The following UBXN10 variants were observed in gnomAD, a reference collection of about 807,000 sequenced individuals.
The protein encoded by UBXN10 is UBX domain-containing protein 10.
Under a neutral mutation model 6.9 loss-of-function variants are expected in UBXN10, and 6 were observed. The ratio of observed to expected loss-of-function variants is 0.87; its 90% CI spans 0.48 to 1.72. The LOEUF (loss-of-function observed/expected upper bound fraction) is 1.72, where lower values mean the gene tolerates loss of function less well. UBXN10 is among the 40% of genes most tolerant of loss of function. The pLI is 0.01. For missense variants in UBXN10, 317 were observed against 348.4 expected (o/e 0.91, Z 0.72); for synonymous variants, 131 against 135.2 (o/e 0.97, Z 0.21).
chr1:20,189,975 A>G (rs890536610), intron 1 of UBXN10, among the ~76,000 whole-genome samples: 7 of 152,250 alleles, frequency 4.6e-5, no homozygotes, highest in African/African-American at 1.7e-4. Flanking sequence ...GCTGTAGGAC[A>G]GGGACCAACA....
chr1:20,188,028 G>T (rs750341232), intron 1 of UBXN10, among the ~76,000 whole-genome samples: 5 of 152,176 alleles, frequency 3.3e-5, no homozygotes, highest in Admixed American at 6.5e-5. Flanking sequence ...GCCGAGAGGG[G>T]CGTGGGTTTG....
At chr1:20,185,275 ACTT>A (rs1313615095), upstream of UBXN10, among the ~76,000 whole-genome samples, 1 of 152,116 alleles carries the variant, frequency 6.6e-6, no homozygotes, top group African/African-American at 2.4e-5. Flanking sequence ...GCTGGCCAAG[ACTT>A]CTTCAATACC....
rs777690432 is a variant in UBXN10, at chr1:20,190,848, T to A, written c.287T>A (p.Ile96Asn). 4.3e-5 allele frequency: 70 copies of A among 1,613,806 alleles called. No individual in the cohort carries two copies. Among genetic ancestry groups the A allele is most frequent in the South Asian group, 5.5e-5 (5 of 91,084 alleles). Residue 96 changes from isoleucine (I) to asparagine (N), a missense_variant, in exon 2 of 2, where the codon ATC (isoleucine) becomes AAC (asparagine). By Grantham distance (149) the Ile-to-Asn change is moderately radical (BLOSUM62 -3). Transcript: ENST00000375099. ...CCAAACCAGGGAGCTTCTGATGAGATCCCTGAGCTGCAGCAGCAAGTACCC... is the reference window on the plus strand; with the variant it reads ...CCAAACCAGGGAGCTTCTGATGAGAACCCTGAGCTGCAGCAGCAAGTACCC... ...KSPNQGASDE[I>N]PELQQQVPTG...
chr1:20,184,226 C>CACACACAG (rs1189935708), upstream of UBXN10: 9 of 152,154 alleles, frequency 5.9e-5, no homozygotes, highest in Non-Finnish European at 1.2e-4. Context: ...CACACACACA[C>CACACACAG]ACGGTGAGAA....
At position 20,187,446 on chromosome 1, in the gene UBXN10, C is replaced by T. The variant is rs576979254; in HGVS notation, c.-16+1293C>T. Among the ~76,000 whole-genome samples the T allele has an allele frequency of 1.4e-4, 22 of 152,236 alleles. No homozygotes were observed. The East Asian group carries it at 2.3e-3, about 16-fold the overall frequency. ...GAGGGTGGTGGGCAGAGTTCAGGACCTGAGGTGTGAATATAAAGGCACAGT... is the reference window on the plus strand; with the variant it reads ...GAGGGTGGTGGGCAGAGTTCAGGACTTGAGGTGTGAATATAAAGGCACAGT... On this transcript the variant is annotated intron_variant, in intron 1 of 1. Coordinates refer to ENST00000375099, the MANE Select transcript of UBXN10 (RefSeq NM_152376.5). The surrounding 1 kb of genome is among the most constrained non-coding windows in gnomAD (Gnocchi z 4.6).
At chr1:20,185,108 C>G (rs959161582), upstream of UBXN10, among the ~76,000 whole-genome samples, 3 of 152,056 alleles carry the variant, frequency 2.0e-5, no homozygotes, top group Non-Finnish European at 4.4e-5. Context: ...TGCACTCCAG[C>G]CTGGGTGAAG....
At chr1:20,186,825 A>G (rs921473983) in intron 1 of UBXN10, among the ~76,000 whole-genome samples, 16 of 129,880 alleles carry the variant, frequency 1.2e-4, no homozygotes, top group African/African-American at 4.7e-4. Flanking sequence ...GAGTTTTTTC[A>G]TTCTCAGGCC....
rs758596691 is a variant in UBXN10 at position 20,190,976 on chromosome 1, T to C, written c.415T>C (p.Ser139Pro). The C allele has an allele frequency of 1.3e-5, 21 of 1,614,000 alleles. No individual in the cohort carries two copies. The highest frequency in any genetic ancestry group is 4.2e-6 in the Non-Finnish European group (5 of 1,180,044). ...GGAAACCGTTGCCAAAAAGGCCAGC[T>C]CACTGCAACTGAGCAGTATCCGGGC... The part of the protein sequence containing the change: ...AVETVAKKAS[S>P]LQLSSIRALY... The change falls in exon 2 of 2, where the codon TCA (serine) becomes CCA (proline). Residue 139 changes from serine (S) to proline (P), a missense_variant. Coordinates refer to ENST00000375099, the MANE Select transcript of UBXN10 (RefSeq NM_152376.5).
intron 1 of UBXN10, 149 bp from the exon 2 acceptor site, chr1:20,190,398 C>G: frequency 1.0e-6 from 1 of 993,114 alleles, no homozygotes; most frequent in Non-Finnish European, 1.5e-6. Context: ...TAAATGAATG[C>G]ATGCCTGAAT....
rs962807625 is a variant in UBXN10 at position 20,190,610 on chromosome 1, G to A, written c.49G>A (p.Val17Ile). Residue 17 changes from valine (V) to isoleucine (I), a missense_variant, in exon 2 of 2, where the codon GTT becomes ATT. By Grantham distance (29) the Val-to-Ile change is conservative. Coordinates refer to ENST00000375099, the MANE Select transcript of UBXN10 (RefSeq NM_152376.5). Reference protein sequence around the residue: ...VNIAPPECSTVVSTAVDSLIW... With the variant: ...VNIAPPECSTIVSTAVDSLIW... ...TATAGCACCACCTGAGTGTAGCACT[G>A]TTGTCAGCACAGCAGTTGACAGCCT... is the stretch of plus-strand genomic sequence containing the variant. 7 of 1,614,046 alleles carry A rather than the reference G, an allele frequency of 4.3e-6. No homozygotes were observed. Among genetic ancestry groups the A allele is most frequent in the Non-Finnish European group, 5.9e-6 (7 of 1,179,974 alleles).
Position 20,187,783 on chromosome 1 carries a change from G to A in UBXN10, c.-16+1630G>A, listed in dbSNP as rs1007221138. Reference sequence around the variant, plus strand: ...CATGGATAATTATATGGAACCAAAAGGTATAGAAAGTGCATGCACATACTC... The same window carrying A: ...CATGGATAATTATATGGAACCAAAAAGTATAGAAAGTGCATGCACATACTC... On this transcript the variant is annotated intron_variant, in intron 1 of 1. Transcript: ENST00000375099. The surrounding 1 kb of genome is among the most constrained non-coding windows in gnomAD (Gnocchi z 4.6). Among the ~76,000 whole-genome samples, 3 of 152,086 alleles carry A rather than the reference G, an allele frequency of 2.0e-5. No homozygotes were observed. The highest frequency in any genetic ancestry group is 7.2e-5 in the African/African-American group (3 of 41,390).
chr1:20,191,290 A>G lies in UBXN10; in HGVS notation c.729A>G (p.Thr243=). 6.2e-7 allele frequency: 1 copy of G among 1,614,202 alleles called. No homozygotes were observed. The highest frequency in any genetic ancestry group is 8.5e-7 in the Non-Finnish European group (1 of 1,180,034). Residue 243 remains threonine, a synonymous_variant, in exon 2 of 2, where the codon ACA becomes ACG. Coordinates refer to ENST00000375099, the MANE Select transcript of UBXN10 (RefSeq NM_152376.5). This position sits in a 1 kb window ranked among gnomAD's most constrained non-coding sequence, Gnocchi z 4.5. ...KTSYRHCSIE[T]MEVPRRRFSD... Reference sequence around the variant, plus strand: ...CCTACCGACACTGCAGCATTGAAACAATGGAGGTGCCCAGGAGGCGATTTT... The same window carrying G: ...CCTACCGACACTGCAGCATTGAAACGATGGAGGTGCCCAGGAGGCGATTTT...
At chr1:20,186,260 C>G (rs1389237256) in intron 1 of UBXN10, 107 bp downstream of exon 1, 1 of 152,256 alleles carries the variant, frequency 6.6e-6, no homozygotes, top group Non-Finnish European at 1.5e-5. Flanking sequence ...CCGGGAGGGC[C>G]TCCCCAGACC....
chr1:20,183,585 C>T (rs1334285119), upstream of UBXN10, among the ~76,000 whole-genome samples: 3 of 152,216 alleles, frequency 2.0e-5, no homozygotes, highest in African/African-American at 7.2e-5. Context: ...AGGGAGGGTG[C>T]ACAGCACCAT....
In UBXN10 at chr1:20,190,751, C is replaced by T. The variant is rs1446459371; in HGVS notation, c.190C>T (p.Pro64Ser). The T allele has an allele frequency of 1.2e-6, 2 of 1,613,934 alleles. No homozygotes were observed. The highest frequency in any genetic ancestry group is 1.7e-6 in the Non-Finnish European group (2 of 1,180,050). ...CGTGGAGGTGTGCGCTCATCATATA[C>T]CATCTCCGCCTCCAGCCATTCCCTA... ...QGVEVCAHHI[P>S]SPPPAIPYEL... The change falls in exon 2 of 2, where the codon CCA becomes TCA. Residue 64 changes from proline (P) to serine (S), a missense_variant. Coordinates refer to ENST00000375099, the MANE Select transcript of UBXN10 (RefSeq NM_152376.5).
At chr1:20,185,024 C>T (rs571025522), upstream of UBXN10, among the ~76,000 whole-genome samples, 38 of 152,278 alleles carry the variant, frequency 2.5e-4, no homozygotes, top group South Asian at 7.7e-3. Context: ...CATGGTGGTG[C>T]ACGCCTGTAG....
At chr1:20,183,474 C>T (rs1333912710), upstream of UBXN10, among the ~76,000 whole-genome samples, 1 of 152,176 alleles carries the variant, frequency 6.6e-6, no homozygotes, top group Non-Finnish European at 1.5e-5. Flanking sequence ...CTCTGCTGCT[C>T]CTTCACCAGG....
rs771947935 is a variant in UBXN10, at chr1:20,190,516, A to T, written c.-15-31A>T. ...CTAGGAGTCCCAGGAAGTTTAACCC[A>T]CGGACTCCTGTTTTTTTCCTGCTTC... On this transcript the variant is annotated intron_variant, in intron 1 of 1. Coordinates refer to ENST00000375099, the MANE Select transcript of UBXN10 (RefSeq NM_152376.5). 4 of 1,570,242 alleles carry T rather than the reference A, an allele frequency of 2.5e-6. No individual in the cohort carries two copies. The African/African-American group carries it at 5.4e-5, about 21-fold the overall frequency.
chr1:20,189,215 G>T (rs543546053), intron 1 of UBXN10, among the ~76,000 whole-genome samples: 7 of 152,136 alleles, frequency 4.6e-5, no homozygotes, highest in African/African-American at 1.4e-4. Context: ...TGGGGACCAT[G>T]AATCACTGGA....
Sources: gnomAD v4.1 joint callset for allele counts (sites outside exome capture counted in the v4.1 genomes callset) on GRCh38, gnomAD v4.1.1 for gene constraint, Gnocchi (gnomAD v3.1) non-coding constraint, MANE v1.5 for transcripts, NCBI Gene and HGNC (gene_info 2026-07-23, HGNC 2026-07-21) for gene names.